TMEM94: variants seen among roughly 807,000 people sequenced by gnomAD.
TMEM94 encodes transmembrane protein 94.
TMEM94 carries 81 observed loss-of-function variants against 158.6 expected under a neutral mutation model. The ratio of observed to expected loss-of-function variants is 0.51; its 90% CI spans 0.43 to 0.61. The LOEUF is 0.61. Among genes scored for constraint, TMEM94 ranks in the 20% least tolerant of loss-of-function variants. TMEM94 has a pLI of 0.00. For synonymous variants in TMEM94, 751 were observed against 730.7 expected (o/e 1.03, Z -0.45); for missense variants, 1,435 against 1,762.0 (o/e 0.81, Z 3.32).
Position 75,498,849 on chromosome 17 carries a change from C to T in TMEM94, c.3828-63C>T, listed in dbSNP as rs1357941016. 6.6e-7 allele frequency: 1 copy of T among 1,523,230 alleles called. No individual in the cohort carries two copies. The highest frequency in any genetic ancestry group is 1.4e-5 in the African/African-American group (1 of 72,364). 94.4% of individuals were successfully genotyped at this position (1,523,230 alleles called of 1,614,324 possible). A position where few individuals can be genotyped will look rare whatever the true frequency, so the allele number is the denominator to read the frequency against. ...TACCCTGCCTGAGCTAACTGTTGTA[C>T]TGGGAAGAGCAGGGAAGGAAGCAAG... is the stretch of plus-strand genomic sequence containing the variant. On this transcript the variant is annotated intron_variant, in intron 30 of 31. Transcript: ENST00000314256. The surrounding 1 kb of genome is among the most constrained non-coding windows in gnomAD (Gnocchi z 6.7).
chr17:75,467,793 A>G (rs1400188293), intron 1 of TMEM94, among the ~76,000 whole-genome samples: 3 of 151,716 alleles, frequency 2.0e-5, no homozygotes, highest in African/African-American at 4.8e-5. Flanking sequence ...CGGCCTCCCA[A>G]AGTGCTGGGA....
chr17:75,489,629 C>T lies in TMEM94; in HGVS notation c.921C>T (p.Val307=), dbSNP rs773934245. The T allele has an allele frequency of 1.9e-6, 3 of 1,614,016 alleles. No individual in the cohort carries two copies. Among genetic ancestry groups the T allele is most frequent in the South Asian group, 2.2e-5 (2 of 91,080 alleles). ...ALRFIFSAPG[V]TSWQYTLLQL... Reference sequence around the variant, plus strand: ...GCTTCATCTTCAGTGCCCCGGGGGTCACTTCCTGGCAGTACACCCTCCTCC... The same window carrying T: ...GCTTCATCTTCAGTGCCCCGGGGGTTACTTCCTGGCAGTACACCCTCCTCC... Residue 307 remains valine, a synonymous_variant, in exon 9 of 32, where the codon GTC becomes GTT. Coordinates refer to ENST00000314256, the MANE Select transcript of TMEM94 (RefSeq NM_014738.6). The surrounding 1 kb of genome is among the most constrained non-coding windows in gnomAD (Gnocchi z 5.0).
intron 19 of TMEM94, 35 bp from the exon 20 acceptor site, chr17:75,494,861 G>T: frequency 6.2e-7 from 1 of 1,613,036 alleles, no homozygotes; most frequent in Non-Finnish European, 8.5e-7. Flanking sequence ...ACGGGCTTTT[G>T]GGCCCGTATG....
intron 1 of TMEM94, among the ~76,000 whole-genome samples, chr17:75,465,655 T>TATATA (rs9302993): frequency 4.0e-4 from 40 of 98,842 alleles, no homozygotes; most frequent in Admixed American, 5.6e-4. Context: ...ATAAGAATTT[T>TATATA]TATATATATA....
intron 2 of TMEM94, among the ~76,000 whole-genome samples, chr17:75,479,307 A>T (rs957008212): frequency 6.6e-5 from 10 of 151,730 alleles, no homozygotes; most frequent in South Asian, 6.3e-4. Flanking sequence ...ACAAAAAAAA[A>T]TTTATTTTTC....
At chr17:75,461,858 G>T (rs1256695605) in intron 1 of TMEM94, among the ~76,000 whole-genome samples, 2 of 149,878 alleles carry the variant, frequency 1.3e-5, no homozygotes, top group African/African-American at 4.9e-5. Context: ...AGCTTACAGT[G>T]AGTCGAGATC....
chr17:75,487,762 T>A lies in TMEM94; in HGVS notation c.410-170T>A, dbSNP rs2051746000. On this transcript the variant is annotated intron_variant, in intron 5 of 31. Coordinates refer to ENST00000314256, the MANE Select transcript of TMEM94 (RefSeq NM_014738.6). This position sits in a 1 kb window ranked among gnomAD's most constrained non-coding sequence, Gnocchi z 4.6. ...GCTGGAGTGGCCGGGTAGGGCTTTA[T>A]AAGGGAGGCATCCTTGAAAGCAGGG... Among the ~76,000 whole-genome samples the A allele has an allele frequency of 6.6e-6, 1 of 152,136 alleles. No homozygotes were observed. Among genetic ancestry groups the A allele is most frequent in the Non-Finnish European group, 1.5e-5 (1 of 68,012 alleles).
rs1374970524 is a variant in TMEM94 at position 75,498,455 on chromosome 17, G to A, written c.3650G>A (p.Arg1217Lys). Residue 1217 changes from arginine to lysine, a missense_variant, in exon 29 of 32, where the codon AGG becomes AAG. Physicochemically the swap from Arg to Lys is conservative, Grantham distance 26. This residue lies in a region of TMEM94 where 335 missense variants were observed against 409.1 expected (regional missense o/e 0.82). Transcript: ENST00000314256. This position sits in a 1 kb window ranked among gnomAD's most constrained non-coding sequence, Gnocchi z 6.7. The stretch of plus-strand genomic sequence containing the variant: ...CCTCACTTTGGCAGCAACGACGACA[G>A]GGCTCCAGCCTGGTTTGAGGACTTT... ...SSVMLPSNDD[R>K]APAWFEDFAN... 2.5e-6 allele frequency: 4 copies of A among 1,587,288 alleles called. No individual in the cohort carries two copies. The highest frequency in any genetic ancestry group is 1.7e-4 in the Middle Eastern group (1 of 5,934).
chr17:75,497,682 C>T, intron 26 of TMEM94, 99 bp from the exon 27 acceptor site: 1 of 914,436 alleles, frequency 1.1e-6, no homozygotes, highest in Non-Finnish European at 1.8e-6. Flanking sequence ...CCTCACCAGA[C>T]TCGACCTCAC....
Position 75,495,357 on chromosome 17 carries a change from T to TA in TMEM94, c.2803dup (p.Thr935AsnfsTer32), listed in dbSNP as rs2052580782. 1.9e-6 allele frequency: 3 copies of TA among 1,613,882 alleles called. No individual in the cohort carries two copies. Among genetic ancestry groups the TA allele is most frequent in the Non-Finnish European group, 2.5e-6 (3 of 1,179,972 alleles). ...ACTCGGACCTCATCAGCTTCCAGCC[T>TA]ACGGACAGCGACATCCCCAGCTTCC... On this transcript the variant is annotated frameshift_variant, in exon 21 of 32. Transcript: ENST00000314256. LOFTEE classifies it high-confidence loss of function. This position sits in a 1 kb window ranked among gnomAD's most constrained non-coding sequence, Gnocchi z 5.6.
Position 75,490,769 on chromosome 17 carries a change from G to T in TMEM94, c.1128+11G>T. 6.2e-7 allele frequency: 1 copy of T among 1,612,616 alleles called. No homozygotes were observed. Among genetic ancestry groups the T allele is most frequent in the South Asian group, 1.1e-5 (1 of 91,022 alleles). ...GCTGTCTCCTCTCAGGTACAACACT[G>T]ACCCGGGATGGCTTCTCTCGCAGGT... On this transcript the variant is annotated intron_variant, in intron 11 of 31. Transcript: ENST00000314256.
chr17:75,465,981 C>G (rs1435092741), intron 1 of TMEM94, among the ~76,000 whole-genome samples: 1 of 152,072 alleles, frequency 6.6e-6, no homozygotes, highest in Non-Finnish European at 1.5e-5. Context: ...TGAAGTGGCA[C>G]AATCATAGTT....
Position 75,492,762 on chromosome 17 carries a change from G to A in TMEM94, c.1885G>A (p.Gly629Ser). ...CGTGCTGCCCGTCCATGTGCCCTGG[G>A]GCCTCTGCGAGCTTGCCCGCCTCAT... ...SAVLPVHVPW[G>S]LCELARLIGF... Residue 629 changes from glycine to serine, a missense_variant, in exon 15 of 32, where the codon GGC (glycine) becomes AGC (serine). Around this residue, in one of 3 missense-constraint regions of TMEM94, gnomAD observed 1,051 missense variants for 1,254.4 expected, o/e 0.84. Coordinates refer to ENST00000314256, the MANE Select transcript of TMEM94 (RefSeq NM_014738.6). The surrounding 1 kb of genome is among the most constrained non-coding windows in gnomAD (Gnocchi z 4.4). 1 of 1,607,922 alleles carries A rather than the reference G, an allele frequency of 6.2e-7. No homozygotes were observed. Among genetic ancestry groups the A allele is most frequent in the Non-Finnish European group, 8.5e-7 (1 of 1,179,702 alleles).
chr17:75,488,032 AG>A lies in TMEM94; in HGVS notation c.511del (p.Asp171ThrfsTer18). Reference sequence around the variant, plus strand: ...CCTGGTCCTTGCACTGGGCCTACAGAGACGGACACCTGGTCAACCTGCCAGT... The same window carrying A: ...CCTGGTCCTTGCACTGGGCCTACAGAACGGACACCTGGTCAACCTGCCAGT... ...PSWSLHWAYR[D>X]GHLVNLPVSL... On this transcript the variant is annotated frameshift_variant, in exon 6 of 32. Coordinates refer to ENST00000314256, the MANE Select transcript of TMEM94 (RefSeq NM_014738.6). LOFTEE classifies it high-confidence loss of function. 1 of 1,614,156 alleles carries A rather than the reference AG, an allele frequency of 6.2e-7. No individual in the cohort carries two copies. Among genetic ancestry groups the A allele is most frequent in the South Asian group, 1.1e-5 (1 of 91,076 alleles).
chr17:75,498,560 G>A lies in TMEM94; in HGVS notation c.3733+22G>A. 3.1e-6 allele frequency: 5 copies of A among 1,612,588 alleles called. No individual in the cohort carries two copies. The highest frequency in any genetic ancestry group is 4.2e-6 in the Non-Finnish European group (5 of 1,179,288). On this transcript the variant is annotated intron_variant, in intron 29 of 31. Transcript: ENST00000314256. This position sits in a 1 kb window ranked among gnomAD's most constrained non-coding sequence, Gnocchi z 6.7. ...ACTGGTGAGAGGGCTCCCTGGGAGG[G>A]CGTGGATGATGGTGGGAGAGGAGCC... is the stretch of plus-strand genomic sequence containing the variant.
rs755249127 is a variant in TMEM94 at position 75,498,892 on chromosome 17, G to A, written c.3828-20G>A. The A allele has an allele frequency of 6.5e-6, 10 of 1,532,770 alleles. No homozygotes were observed. Among genetic ancestry groups the A allele is most frequent in the East Asian group, 2.3e-5 (1 of 44,044 alleles). The allele number at this position is 1,532,770 out of a possible 1,614,324, so 94.9% of individuals were successfully genotyped here. A position where few individuals can be genotyped will look rare whatever the true frequency, so the allele number is the denominator to read the frequency against. ...GAAGCAAGCAGTGTCGGGTTCACAC[G>A]GGGCCGCCACCTCCTGCAGGCTGCT... On this transcript the variant is annotated intron_variant, in intron 30 of 31. Coordinates refer to ENST00000314256, the MANE Select transcript of TMEM94 (RefSeq NM_014738.6). This position sits in a 1 kb window ranked among gnomAD's most constrained non-coding sequence, Gnocchi z 6.7.
Position 75,491,869 on chromosome 17 carries a change from A to T in TMEM94, c.1565A>T (p.Asp522Val), listed in dbSNP as rs745573303. The T allele has an allele frequency of 2.5e-6, 4 of 1,613,740 alleles. No homozygotes were observed. Among genetic ancestry groups the T allele is most frequent in the South Asian group, 2.2e-5 (2 of 91,044 alleles). The change falls in exon 14 of 32, where the codon GAC (aspartate) becomes GTC (valine). Residue 522 changes from aspartate to valine, a missense_variant. Around this residue, in one of 3 missense-constraint regions of TMEM94, gnomAD observed 1,051 missense variants for 1,254.4 expected, o/e 0.84. Transcript: ENST00000314256. The surrounding 1 kb of genome is among the most constrained non-coding windows in gnomAD (Gnocchi z 5.1). ...GGCTCCAACGTGAGCTTCAGCAGGG[A>T]CACCGAGGGTGGTGAAGAAGAGCCC... ...PSGSNVSFSR[D>V]TEGGEEEPSK...
chr17:75,477,348 C>A (rs1215721374), intron 2 of TMEM94, among the ~76,000 whole-genome samples: 1 of 152,156 alleles, frequency 6.6e-6, no homozygotes, highest in East Asian at 1.9e-4. Flanking sequence ...TTCCGTGATT[C>A]GGGCATTGTG....
At position 75,498,367 on chromosome 17, in the gene TMEM94, C is replaced by T. The variant is rs202180375; in HGVS notation, c.3638+44C>T. The T allele has an allele frequency of 1.5e-4, 240 of 1,612,364 alleles. 1 individual carries two copies. Among genetic ancestry groups the T allele is most frequent in the Non-Finnish European group, 8.3e-5 (98 of 1,179,398 alleles). On this transcript the variant is annotated intron_variant, in intron 28 of 31. Coordinates refer to ENST00000314256, the MANE Select transcript of TMEM94 (RefSeq NM_014738.6). The surrounding 1 kb of genome is among the most constrained non-coding windows in gnomAD (Gnocchi z 6.7). ...GATCCACCCATCGCCTGCCTCGCCT[C>T]GAGGCTTCCTCCCTCCCCACCCCAG... is the stretch of plus-strand genomic sequence containing the variant.
Sources: allele counts gnomAD v4.1 joint callset (sites outside exome capture counted in the v4.1 genomes callset), GRCh38; gene constraint gnomAD v4.1.1; regional missense constraint gnomAD v4.1.1; non-coding constraint Gnocchi (gnomAD v3.1); transcripts MANE v1.5; gene names NCBI Gene and HGNC (gene_info 2026-07-23, HGNC 2026-07-21).